Variants in CASZ1 observed in about 807,000 individuals in gnomAD.
CASZ1 encodes the protein castor zinc finger 1, also known as zinc finger protein castor homolog 1.
Under a neutral mutation model 135.2 loss-of-function variants are expected in CASZ1, and 28 were observed. The observed-to-expected ratio is 0.21, with a 90% CI of 0.15 to 0.28. CASZ1 has a LOEUF of 0.28. Among genes scored for constraint, CASZ1 ranks in the 10% least tolerant of loss-of-function variants. The pLI is 1.00. For synonymous variants in CASZ1, 1,068 were observed against 1,073.4 expected (o/e 0.99, Z 0.10); for missense variants, 2,161 against 2,453.3 (o/e 0.88, Z 2.52).
intron 2 of CASZ1, among the ~76,000 whole-genome samples, chr1:10,731,554 A>G (rs532990603): frequency 1.0e-3 from 159 of 152,348 alleles, no homozygotes; most frequent in African/African-American, 3.8e-3. Flanking sequence ...ACTGAACTCC[A>G]GCCTGGGTGA....
rs576990677 is a variant in CASZ1 at position 10,688,556 on chromosome 1, C to T, written c.16+5318G>A. Among the ~76,000 whole-genome samples, 7 of 152,324 alleles carry T rather than the reference C, an allele frequency of 4.6e-5. No homozygotes were observed. In the East Asian group the frequency reaches 5.8e-4, roughly 13 times the overall value. ...GCATGGTCCCTGGCTCCTGGCTCCT[C>T]GGCCTGGTGGGACAGCAGACCGCTC... On this transcript the variant is annotated intron_variant, in intron 4 of 20. Transcript: ENST00000377022.
intron 3 of CASZ1, among the ~76,000 whole-genome samples, chr1:10,698,361 A>ATTTCCCATTTT (rs1638984832): frequency 6.6e-6 from 1 of 152,194 alleles, no homozygotes; most frequent in African/African-American, 2.4e-5. Context: ...CACACAGCAC[A>ATTTCCCATTTT]TTTCCCATTT....
rs1403204088 is a variant in CASZ1 at position 10,794,411 on chromosome 1, G to A, written c.-234+2153C>T. 6.6e-6 allele frequency among the ~76,000 whole-genome samples: 1 copy of A among 152,030 alleles called. No individual in the cohort carries two copies. Among genetic ancestry groups the A allele is most frequent in the Non-Finnish European group, 1.5e-5 (1 of 67,988 alleles). ...GGCGGGACAACTACGCACAATGAGG[G>A]CCGCACCCCCACACTCCACTCGGTC... On this transcript the variant is annotated intron_variant, in intron 1 of 20. Coordinates refer to ENST00000377022, the MANE Select transcript of CASZ1 (RefSeq NM_001079843.3). This position sits in a 1 kb window ranked among gnomAD's most constrained non-coding sequence, Gnocchi z 5.6.
chr1:10,719,611 G>C lies in CASZ1; in HGVS notation c.-76-14067C>G, dbSNP rs1053222287. On this transcript the variant is annotated intron_variant, in intron 2 of 20. Transcript: ENST00000377022. The surrounding 1 kb of genome is among the most constrained non-coding windows in gnomAD (Gnocchi z 4.0). ...TGGCCACCTGTAGGGCATGGGGAAC[G>C]GGGGCTCAGGTGAGCAGATGCATGA... Among the ~76,000 whole-genome samples, 2 of 152,204 alleles carry C rather than the reference G, an allele frequency of 1.3e-5. No homozygotes were observed. The highest frequency in any genetic ancestry group is 4.1e-4 in the South Asian group (2 of 4,826).
At chr1:10,710,896 C>G (rs1280568002) in intron 2 of CASZ1, among the ~76,000 whole-genome samples, 1 of 152,246 alleles carries the variant, frequency 6.6e-6, no homozygotes, top group Non-Finnish European at 1.5e-5. Flanking sequence ...TTTGGGAGGC[C>G]AAGGTGGGCA....
intron 5 of CASZ1, 110 bp downstream of exon 5, chr1:10,664,973 G>A (rs1643179532): frequency 8.1e-7 from 1 of 1,238,678 alleles, no homozygotes; most frequent in Non-Finnish European, 1.0e-6. Flanking sequence ...TGAGGGGCCG[G>A]TATTTAGAGC....
intron 1 of CASZ1, among the ~76,000 whole-genome samples, chr1:10,764,090 T>A (rs1270666364): frequency 3.3e-5 from 5 of 152,230 alleles, no homozygotes. Context: ...CTCGAACTCC[T>A]GACCTCAGGT....
chr1:10,639,906 A>T lies in CASZ1; in HGVS notation c.4316T>A (p.Leu1439His). Residue 1439 changes from leucine to histidine, a missense_variant, in exon 21 of 21, where the codon CTT (leucine) becomes CAT (histidine). Transcript: ENST00000377022. The surrounding 1 kb of genome is among the most constrained non-coding windows in gnomAD (Gnocchi z 4.0). ...AGCTGCGTCCTTGCAGTCCTCGTAA[A>T]GGTCGAAGCGCCGGAAGCCCTCCAG... ...MMLEGFRRFDLYEDCKDAACQ... is the reference protein window; with the variant it reads ...MMLEGFRRFDHYEDCKDAACQ... 6.2e-7 allele frequency: 1 copy of T among 1,612,888 alleles called. No individual in the cohort carries two copies. Among genetic ancestry groups the T allele is most frequent in the Non-Finnish European group, 8.5e-7 (1 of 1,179,984 alleles).
chr1:10,750,010 T>A (rs1570557227), intron 2 of CASZ1, among the ~76,000 whole-genome samples: 1 of 152,122 alleles, frequency 6.6e-6, no homozygotes, highest in East Asian at 1.9e-4. Flanking sequence ...TATATAACTG[T>A]GCCCTCTGGA....
intron 1 of CASZ1, among the ~76,000 whole-genome samples, chr1:10,795,966 C>G (rs901605027): frequency 1.3e-5 from 2 of 152,044 alleles, no homozygotes; most frequent in South Asian, 4.2e-4. Flanking sequence ...CACCCCTTCC[C>G]ATGGGCAAAG....
chr1:10,692,853 AT>A (rs1198687537), intron 4 of CASZ1, among the ~76,000 whole-genome samples: 1 of 152,208 alleles, frequency 6.6e-6, no homozygotes, highest in Non-Finnish European at 1.5e-5. Flanking sequence ...AGTATCACCT[AT>A]CCCATCAATG....
chr1:10,795,214 G>A (rs1349696482), intron 1 of CASZ1, among the ~76,000 whole-genome samples: 2 of 149,982 alleles, frequency 1.3e-5, no homozygotes, highest in Non-Finnish European at 3.0e-5. Flanking sequence ...ATTCCCGCGC[G>A]CCCCCTGGAT....
chr1:10,749,714 T>C lies in CASZ1; in HGVS notation c.-77+10987A>G, dbSNP rs187541906. 1.6e-3 allele frequency among the ~76,000 whole-genome samples: 250 copies of C among 152,284 alleles called. 3 individuals carry two copies. The highest frequency in any genetic ancestry group is 5.9e-3 in the African/African-American group (243 of 41,534). ...AAGGTTCCAGTTTCTCTTCTTACTT[T>C]CAGCCAATTCGGCTGGGGAGCTGGG... On this transcript the variant is annotated intron_variant, in intron 2 of 20. Transcript: ENST00000377022.
chr1:10,763,682 T>C (rs1342591070), intron 1 of CASZ1, among the ~76,000 whole-genome samples: 1 of 152,150 alleles, frequency 6.6e-6, no homozygotes, highest in East Asian at 1.9e-4. Flanking sequence ...GACTTTTAAC[T>C]CCTCAAGGGC....
rs539789715 is a variant in CASZ1, at chr1:10,739,616, G to A, written c.-77+21085C>T. 1.1e-4 allele frequency among the ~76,000 whole-genome samples: 17 copies of A among 152,202 alleles called. No homozygotes were observed. The highest frequency in any genetic ancestry group is 3.6e-4 in the African/African-American group (15 of 41,530). ...AAGAGCCTTCAGGGGCCTTCTTGTC[G>A]TTGATCAAAACAACAGGGCCACCAG... On this transcript the variant is annotated intron_variant, in intron 2 of 20. Transcript: ENST00000377022. This position sits in a 1 kb window ranked among gnomAD's most constrained non-coding sequence, Gnocchi z 4.8.
At chr1:10,642,795 C>T (rs1458220144) in intron 20 of CASZ1, 64 bp downstream of exon 20, 15 of 1,570,356 alleles carry the variant, frequency 9.6e-6, no homozygotes, top group South Asian at 1.2e-5. Context: ...CCAAGCTGCA[C>T]CCAGCGGTGC....
Position 10,676,532 on chromosome 1 carries a change from C to T in CASZ1, c.17-10961G>A, listed in dbSNP as rs148495789. ...ACCATCCTCTGAACAAAGGGGCTCT[C>T]CTCCTGGGCTCCTCCATCTCTCTCT... On this transcript the variant is annotated intron_variant, in intron 4 of 20. Transcript: ENST00000377022. The surrounding 1 kb of genome is among the most constrained non-coding windows in gnomAD (Gnocchi z 4.5). Among the ~76,000 whole-genome samples the T allele has an allele frequency of 2.3e-4, 35 of 152,194 alleles. No homozygotes were observed. Among genetic ancestry groups the T allele is most frequent in the African/African-American group, 7.2e-4 (30 of 41,526 alleles).
intron 2 of CASZ1, among the ~76,000 whole-genome samples, chr1:10,710,013 G>C (rs1639256801): frequency 6.6e-6 from 1 of 152,204 alleles, no homozygotes; most frequent in South Asian, 2.1e-4. Flanking sequence ...CACAGTCTTG[G>C]TTGGAATTGG....
In CASZ1 at chr1:10,790,753, T is replaced by C. The variant is rs149568008; in HGVS notation, c.-234+5811A>G. On this transcript the variant is annotated intron_variant, in intron 1 of 20. Coordinates refer to ENST00000377022, the MANE Select transcript of CASZ1 (RefSeq NM_001079843.3). ...CTCTCTTTATCTCGTTCCCCCCTTG[T>C]AAGGACACACACAAAAACCTTGGCT... is the stretch of plus-strand genomic sequence containing the variant. Among the ~76,000 whole-genome samples the C allele has an allele frequency of 3.8e-3, 574 of 152,252 alleles. 2 individuals carry two copies. The highest frequency in any genetic ancestry group is 0.011 in the African/African-American group (469 of 41,534).
Sources: gnomAD v4.1 joint callset for allele counts (sites outside exome capture counted in the v4.1 genomes callset) on GRCh38, gnomAD v4.1.1 for gene constraint, Gnocchi (gnomAD v3.1) non-coding constraint, MANE v1.5 for transcripts, NCBI Gene and HGNC (gene_info 2026-07-23, HGNC 2026-07-21) for gene names.